The following OTUD4 variants were observed in gnomAD, a reference collection of about 807,000 sequenced individuals.
OTUD4 encodes the protein OTU domain-containing protein 4.
In OTUD4, 24 loss-of-function variants were observed where a neutral mutation model predicts 130.4. That is an observed-to-expected ratio of 0.18 (90% confidence interval 0.13 to 0.26). The LOEUF (loss-of-function observed/expected upper bound fraction) is 0.26, where lower values mean the gene tolerates loss of function less well. Ranked by LOEUF, OTUD4 falls within the 10% of genes least tolerant of loss-of-function variation. The pLI, the probability that OTUD4 is intolerant of heterozygous loss-of-function variation, is 1.00. For missense variants in OTUD4, 1,031 were observed against 1,329.4 expected (o/e 0.78, Z 3.49); for synonymous variants, 420 against 472.5 (o/e 0.89, Z 1.44).
chr4:145,173,184 G>A (rs1272357399), intron 2 of OTUD4, among the ~76,000 whole-genome samples: 1 of 152,186 alleles, frequency 6.6e-6, no homozygotes, highest in Non-Finnish European at 1.5e-5. Context: ...GAGGTCAGGA[G>A]ATCGAGACCA....
In OTUD4 at chr4:145,179,808, C is replaced by T. The variant is rs1422289186; in HGVS notation, c.159+7G>A. 77 of 1,516,352 alleles carry T rather than the reference C, an allele frequency of 5.1e-5. No individual in the cohort carries two copies. Among genetic ancestry groups the T allele is most frequent in the Non-Finnish European group, 6.5e-5 (74 of 1,138,598 alleles). 93.9% of individuals were successfully genotyped at this position (1,516,352 alleles called of 1,614,324 possible). A position where few individuals can be genotyped will look rare whatever the true frequency, so the allele number is the denominator to read the frequency against. On this transcript the variant is annotated splice_region_variant and intron_variant, in intron 1 of 20. Coordinates refer to ENST00000447906, the MANE Select transcript of OTUD4 (RefSeq NM_001366057.1). ...CCTCGAAGCCCTCCCCGCCCCCCCGCAATTACCTGCTCCGCCACGGCCCGG... is the reference window on the plus strand; with the variant it reads ...CCTCGAAGCCCTCCCCGCCCCCCCGTAATTACCTGCTCCGCCACGGCCCGG...
At chr4:145,158,080 T>C (rs1303870983) in intron 7 of OTUD4, among the ~76,000 whole-genome samples, 1 of 152,226 alleles carries the variant, frequency 6.6e-6, no homozygotes, top group African/African-American at 2.4e-5. Flanking sequence ...CAGTCTATTC[T>C]AGAATTAAAT....
chr4:145,154,587 A>G (rs1751197590), intron 10 of OTUD4, among the ~76,000 whole-genome samples: 1 of 152,158 alleles, frequency 6.6e-6, no homozygotes, highest in Non-Finnish European at 1.5e-5. Context: ...AAATAGCAGT[A>G]TTTTTCCACA....
At position 145,135,398 on chromosome 4, in the gene OTUD4, G is replaced by A. The variant is rs1750193232; in HGVS notation, c.*2032C>T. On this transcript the variant is annotated 3_prime_UTR_variant, in exon 21 of 21. Coordinates refer to ENST00000447906, the MANE Select transcript of OTUD4 (RefSeq NM_001366057.1). The stretch of plus-strand genomic sequence containing the variant: ...CCAGTCAATAAAATGCAGGACACTA[G>A]AAGCAACAACTTATTTTGGACTCCT... The A allele has an allele frequency of 6.6e-6, 1 of 152,202 alleles. No individual in the cohort carries two copies. The highest frequency in any genetic ancestry group is 1.5e-5 in the Non-Finnish European group (1 of 68,038). 9.4% of individuals were successfully genotyped at this position (152,202 alleles called of 1,614,324 possible).
rs372312347 is a variant in OTUD4 at position 145,140,948 on chromosome 4, G to A, written c.2083+431C>T. On this transcript the variant is annotated intron_variant, in intron 19 of 20. Coordinates refer to ENST00000447906, the MANE Select transcript of OTUD4 (RefSeq NM_001366057.1). ...CGGGAGGCCAAGGCACGCAGATTAC[G>A]AGGTCGGGAGATCGAGACCATCCTG... Among the ~76,000 whole-genome samples the A allele has an allele frequency of 7.8e-4, 118 of 152,110 alleles. 1 individual carries two copies. Among genetic ancestry groups the A allele is most frequent in the South Asian group, 4.6e-3 (22 of 4,828 alleles).
chr4:145,170,332 C>A (rs118014258), intron 3 of OTUD4, among the ~76,000 whole-genome samples: 1 of 152,210 alleles, frequency 6.6e-6, no homozygotes, highest in Non-Finnish European at 1.5e-5. Flanking sequence ...TCCTTTCTCA[C>A]CACTTCTTAT....
chr4:145,143,852 T>G, intron 16 of OTUD4, 94 bp downstream of exon 16: 3 of 915,754 alleles, frequency 3.3e-6, no homozygotes, highest in Non-Finnish European at 5.2e-6. Flanking sequence ...GCTATAAAAT[T>G]TCGAAATTAT....
rs554977099 is a variant in OTUD4, at chr4:145,166,017, C to T, written c.295-820G>A. ...TCTCTACTAAAAATACAAACTTAGC[C>T]GGGTGTGGTGGCCCATGCCTATAGT... On this transcript the variant is annotated intron_variant, in intron 3 of 20. Transcript: ENST00000447906. 4.6e-5 allele frequency among the ~76,000 whole-genome samples: 7 copies of T among 151,916 alleles called. No individual in the cohort carries two copies. In the East Asian group the frequency reaches 9.8e-4, roughly 21 times the overall value.
At chr4:145,149,790 T>A (rs1750984333) in intron 13 of OTUD4, 1 of 152,170 alleles carries the variant, frequency 6.6e-6, no homozygotes, top group Non-Finnish European at 1.5e-5. Context: ...GAGAAGGTGC[T>A]TTGATGGGAA....
Position 145,144,200 on chromosome 4 carries a change from T to A in OTUD4, c.1546+111A>T, listed in dbSNP as rs116114893. The stretch of plus-strand genomic sequence containing the variant: ...TCTGCAACATTCAAAATATGTGACA[T>A]TAGATAAACTACTTAACAACTTAAA... On this transcript the variant is annotated intron_variant, in intron 15 of 20. Coordinates refer to ENST00000447906, the MANE Select transcript of OTUD4 (RefSeq NM_001366057.1). 1.0e-3 allele frequency: 1,220 copies of A among 1,214,532 alleles called. 7 individuals are homozygous for A. The highest frequency in any genetic ancestry group is 7.1e-3 in the African/African-American group (466 of 65,890). The allele number at this position is 1,214,532 out of a possible 1,614,324, so 75.2% of individuals were successfully genotyped here.
chr4:145,178,251 A>G (rs1752521311), intron 1 of OTUD4: 1 of 152,218 alleles, frequency 6.6e-6, no homozygotes, highest in Non-Finnish European at 1.5e-5. Flanking sequence ...TATGGTATGC[A>G]CTACGGAAAT....
intron 2 of OTUD4, among the ~76,000 whole-genome samples, chr4:145,172,265 G>C (rs1340372249): frequency 6.6e-6 from 1 of 152,216 alleles, no homozygotes; most frequent in Non-Finnish European, 1.5e-5. Context: ...GCTTTAACTT[G>C]GTAGTGACCA....
At position 145,137,494 on chromosome 4, in the gene OTUD4, C is replaced by T. The variant is rs758949342; in HGVS notation, c.3281G>A (p.Arg1094Gln). ...TCTCCTCCTATCTCCCCTAAATGGTCGCCCTCTGACATTTCGATGGTACTG... is the reference window on the plus strand; with the variant it reads ...TCTCCTCCTATCTCCCCTAAATGGTTGCCCTCTGACATTTCGATGGTACTG... ...GYQYHRNVRG[R>Q]PFRGDRRRSG... Residue 1094 changes from arginine to glutamine, a missense_variant, in exon 21 of 21, where the codon CGA becomes CAA. By Grantham distance (43) the Arg-to-Gln change is conservative (BLOSUM62 1). This residue lies in a region of OTUD4 where 900 missense variants were observed against 1,095.9 expected (regional missense o/e 0.82). Coordinates refer to ENST00000447906, the MANE Select transcript of OTUD4 (RefSeq NM_001366057.1). 42 of 1,611,882 alleles carry T rather than the reference C, an allele frequency of 2.6e-5. No individual in the cohort carries two copies. The highest frequency in any genetic ancestry group is 2.7e-5 in the Non-Finnish European group (32 of 1,178,390).
rs188018040 is a variant in OTUD4, at chr4:145,146,561, A to G, written c.1260-132T>C. 67 of 541,842 alleles carry G rather than the reference A, an allele frequency of 1.2e-4. No homozygotes were observed. The African/African-American group carries it at 1.3e-3, about 10-fold the overall frequency. 33.6% of individuals were successfully genotyped at this position (541,842 alleles called of 1,614,324 possible). ...AAAATAAAATGATCTATTTTGCAAC[A>G]CAAACATTTTACTAATTTAGCTACA... On this transcript the variant is annotated intron_variant, in intron 13 of 20. Transcript: ENST00000447906.
chr4:145,144,212 C>T (rs1750715134), intron 15 of OTUD4, 99 bp downstream of exon 15: 2 of 1,327,918 alleles, frequency 1.5e-6, no homozygotes, highest in South Asian at 2.8e-5. Flanking sequence ...AGATAAACTA[C>T]TTAACAACTT....
At chr4:145,157,544 C>G (rs1487273255) in intron 7 of OTUD4, among the ~76,000 whole-genome samples, 1 of 151,936 alleles carries the variant, frequency 6.6e-6, no homozygotes, top group Non-Finnish European at 1.5e-5. Flanking sequence ...ATTAGCCAGG[C>G]GTGGTGGCAC....
intron 3 of OTUD4, among the ~76,000 whole-genome samples, chr4:145,167,621 C>A (rs1008485108): frequency 1.3e-5 from 2 of 152,136 alleles, no homozygotes; most frequent in Non-Finnish European, 2.9e-5. Flanking sequence ...CTTTGGGAGG[C>A]CAAGGAGGGT....
Position 145,135,437 on chromosome 4 carries a change from T to C in OTUD4, c.*1993A>G, listed in dbSNP as rs1157592714. On this transcript the variant is annotated 3_prime_UTR_variant, in exon 21 of 21. Transcript: ENST00000447906. ...TTTTGGACTCCTGAGATCAAACACA[T>C]TGAACTTTCAAATCTGGTGTTTGTA... 1.3e-5 allele frequency: 2 copies of C among 152,324 alleles called. 1 individual carries two copies. Among genetic ancestry groups the C allele is most frequent in the South Asian group, 4.1e-4 (2 of 4,826 alleles). 9.4% of individuals were successfully genotyped at this position (152,324 alleles called of 1,614,324 possible).
intron 3 of OTUD4, among the ~76,000 whole-genome samples, chr4:145,167,236 C>T (rs1473251948): frequency 6.6e-6 from 1 of 152,124 alleles, no homozygotes; most frequent in Non-Finnish European, 1.5e-5. Context: ...ATGAATGCTG[C>T]CACTTATTCC....
Sources: gnomAD v4.1 joint callset for allele counts (sites outside exome capture counted in the v4.1 genomes callset) on GRCh38, gnomAD v4.1.1 for gene constraint, gnomAD v4.1.1 regional missense constraint, MANE v1.5 for transcripts, NCBI Gene and HGNC (gene_info 2026-07-23, HGNC 2026-07-21) for gene names.